Variants in ZNF131 observed in about 807,000 individuals in gnomAD.
ZNF131 encodes the protein zinc finger and BTB domain containing 35.
Under a neutral mutation model 60.0 loss-of-function variants are expected in ZNF131, and 7 were observed. The observed-to-expected ratio is 0.12, with a 90% CI of 0.07 to 0.22. The LOEUF (loss-of-function observed/expected upper bound fraction) is 0.22. Among genes scored for constraint, ZNF131 ranks in the 10% least tolerant of loss-of-function variants. The probability of loss-of-function intolerance (pLI) is 1.00; values close to 1 mark genes in which losing one functional copy is unlikely to be tolerated. For missense variants in ZNF131, 493 were observed against 740.9 expected, an observed-to-expected ratio of 0.67 and a Z score of 3.88; for synonymous variants, 257 against 253.2, an observed-to-expected ratio of 1.01 and a Z score of -0.14.
At chr5:43,162,910 GAAAAA>G in intron 5 of ZNF131, among the ~76,000 whole-genome samples, 1 of 66,774 alleles carries the variant, frequency 1.5e-5, no homozygotes, top group Admixed American at 2.5e-4. Flanking sequence ...TGTCTCAAGG[GAAAAA>G]AAAAAAAAAA....
intron 3 of ZNF131, among the ~76,000 whole-genome samples, chr5:43,134,356 G>GA (rs773784493): frequency 9.2e-5 from 14 of 152,228 alleles, no homozygotes; most frequent in Non-Finnish European, 1.6e-4. Context: ...AACAAACGAG[G>GA]AATAGAAGGA....
At chr5:43,125,891 A>G (rs1377966597) in intron 3 of ZNF131, among the ~76,000 whole-genome samples, 5 of 152,214 alleles carry the variant, frequency 3.3e-5, no homozygotes, top group Non-Finnish European at 5.9e-5. Context: ...AAGACTAGTC[A>G]CCTTGAGATT....
intron 6 of ZNF131, 26 bp from the exon 7 acceptor site, chr5:43,174,421 C>T (rs1751356208): frequency 4.7e-6 from 7 of 1,505,328 alleles, no homozygotes; most frequent in East Asian, 2.3e-5. Context: ...TAAGTATTGT[C>T]TACATCATAT....
At chr5:43,170,943 A>AT (rs1254147629) in intron 5 of ZNF131, among the ~76,000 whole-genome samples, 13 of 139,432 alleles carry the variant, frequency 9.3e-5, no homozygotes, top group Admixed American at 4.4e-4. Context: ...GATTTTTTAA[A>AT]TTTTTTTTTA....
At chr5:43,153,074 C>A (rs1748522857) in intron 4 of ZNF131, among the ~76,000 whole-genome samples, 1 of 152,138 alleles carries the variant, frequency 6.6e-6, no homozygotes, top group Non-Finnish European at 1.5e-5. Context: ...AGGGCAAGGA[C>A]ATTTAAAACT....
In ZNF131 at chr5:43,131,150, C is replaced by G. The variant is rs572624916; in HGVS notation, c.226+7840C>G. ...AGAGTGCTGGGATTACAGGTGTGAG[C>G]CACAGCGCCCGGCCTCCAAGCTTAC... On this transcript the variant is annotated intron_variant, in intron 3 of 6. Transcript: ENST00000682664. Among the ~76,000 whole-genome samples, 429 of 151,936 alleles carry G rather than the reference C, an allele frequency of 2.8e-3. 1 individual carries two copies. The highest frequency in any genetic ancestry group is 0.01 in the African/African-American group (419 of 41,438).
In ZNF131 at chr5:43,155,506, G is replaced by A. The variant is rs557130468; in HGVS notation, c.372-5743G>A. Among the ~76,000 whole-genome samples, 163 of 152,296 alleles carry A rather than the reference G, an allele frequency of 1.1e-3. 2 individuals are homozygous for A. In the Middle Eastern group the frequency reaches 0.014, roughly 13 times the overall value. ...CTAATCTACAAAAGCATCAGGCTCA[G>A]ACTAGTAGCTCAAAGGGTTCATTAG... On this transcript the variant is annotated intron_variant, in intron 4 of 6. Transcript: ENST00000682664.
At chr5:43,148,904 A>G (rs1005905831) in intron 4 of ZNF131, among the ~76,000 whole-genome samples, 7 of 152,118 alleles carry the variant, frequency 4.6e-5, no homozygotes, top group Admixed American at 1.3e-4. Flanking sequence ...CTCTCTCCCT[A>G]TTCCTATCTT....
chr5:43,147,179 A>G (rs986557134), intron 4 of ZNF131, among the ~76,000 whole-genome samples: 9 of 151,716 alleles, frequency 5.9e-5, no homozygotes, highest in Non-Finnish European at 1.2e-4. Flanking sequence ...GCTGAGTAGT[A>G]TTCCACAGTG....
At chr5:43,144,081 C>A in intron 4 of ZNF131, among the ~76,000 whole-genome samples, 1 of 150,594 alleles carries the variant, frequency 6.6e-6, no homozygotes, top group Non-Finnish European at 1.5e-5. Flanking sequence ...CGCCACCACG[C>A]CCAGCTAATA....
intron 3 of ZNF131, among the ~76,000 whole-genome samples, chr5:43,135,554 G>T (rs916070383): frequency 6.7e-6 from 1 of 149,788 alleles, no homozygotes; most frequent in Non-Finnish European, 1.5e-5. Context: ...TTCAAGACCA[G>T]CCTGAACAAC....
At chr5:43,135,978 G>A (rs1011894824) in intron 3 of ZNF131, among the ~76,000 whole-genome samples, 4 of 152,168 alleles carry the variant, frequency 2.6e-5, no homozygotes, top group African/African-American at 9.7e-5. Flanking sequence ...AGGTGGGTAT[G>A]GTGGTGCGTG....
At chr5:43,169,712 A>G (rs959524926) in intron 5 of ZNF131, among the ~76,000 whole-genome samples, 6 of 152,160 alleles carry the variant, frequency 3.9e-5, no homozygotes, top group African/African-American at 1.4e-4. Flanking sequence ...TAGTAAGCAT[A>G]CTTGTACATA....
chr5:43,121,497 C>T (rs1019549087), intron 1 of ZNF131: 1 of 152,478 alleles, frequency 6.6e-6, no homozygotes, highest in East Asian at 1.9e-4. Flanking sequence ...CCGCGTCAGC[C>T]GGAGCTCGAC....
At chr5:43,144,079 C>T (rs1628981) in intron 4 of ZNF131, among the ~76,000 whole-genome samples, 40,935 of 150,244 alleles carry the variant, frequency 0.27, 6,132 homozygotes, top group East Asian at 0.63. Flanking sequence ...CTCGCCACCA[C>T]GCCCAGCTAA....
At chr5:43,151,962 G>C (rs1748367477) in intron 4 of ZNF131, among the ~76,000 whole-genome samples, 1 of 151,678 alleles carries the variant, frequency 6.6e-6, no homozygotes, top group African/African-American at 2.4e-5. Flanking sequence ...CTAGTTTTTG[G>C]AGAGACTGAG....
At chr5:43,166,695 G>A (rs1035387050) in intron 5 of ZNF131, among the ~76,000 whole-genome samples, 2 of 151,440 alleles carry the variant, frequency 1.3e-5, no homozygotes, top group Admixed American at 6.6e-5. Flanking sequence ...TCGCTCTGTC[G>A]CCCAGACTGG....
At chr5:43,169,844 G>T (rs1750767717) in intron 5 of ZNF131, among the ~76,000 whole-genome samples, 1 of 151,204 alleles carries the variant, frequency 6.6e-6, no homozygotes, top group Non-Finnish European at 1.5e-5. Context: ...AGACTGGAGT[G>T]CAATGGCGTG....
At chr5:43,143,815 A>G (rs1414923814) in intron 4 of ZNF131, among the ~76,000 whole-genome samples, 4 of 143,678 alleles carry the variant, frequency 2.8e-5, no homozygotes, top group Non-Finnish European at 6.0e-5. Context: ...GATAGAGATG[A>G]GAGTTGCTAA....
Sources: gnomAD v4.1 joint callset for allele counts (sites outside exome capture counted in the v4.1 genomes callset) on GRCh38, gnomAD v4.1.1 for gene constraint, MANE v1.5 for transcripts, NCBI Gene and HGNC (gene_info 2026-07-23, HGNC 2026-07-21) for gene names.